The following FBXW7 variants were observed in gnomAD, a reference collection of about 807,000 sequenced individuals.
FBXW7 encodes F-box/WD repeat-containing protein 7.
A neutral mutation model predicts 86.3 loss-of-function variants in FBXW7; 11 were observed. The ratio of observed to expected loss-of-function variants is 0.13; its 90% CI spans 0.08 to 0.21. The LOEUF (loss-of-function observed/expected upper bound fraction) is 0.21. FBXW7 is among the 10% of genes least tolerant of loss of function. FBXW7 has a pLI of 1.00. For synonymous variants in FBXW7, 313 were observed against 297.9 expected (o/e 1.05, Z -0.52); for missense variants, 488 against 847.4 (o/e 0.58, Z 5.27).
intron 2 of FBXW7, among the ~76,000 whole-genome samples, chr4:152,435,178 T>C (rs1740276533): frequency 1.3e-5 from 2 of 151,624 alleles, no homozygotes; most frequent in Admixed American, 1.3e-4. Flanking sequence ...TACTTCTTCA[T>C]AATCACAATA....
At chr4:152,324,042 G>A (rs1438660845) in intron 13 of FBXW7, 142 bp downstream of exon 13, 10 of 630,192 alleles carry the variant, frequency 1.6e-5, no homozygotes, top group East Asian at 2.7e-5. Context: ...AGTTCTGTAA[G>A]TCAGGGTGAA....
intron 2 of FBXW7, among the ~76,000 whole-genome samples, chr4:152,473,774 A>G (rs1362642378): frequency 6.6e-6 from 1 of 152,166 alleles, no homozygotes; most frequent in Non-Finnish European, 1.5e-5. Flanking sequence ...CAATTCAGAT[A>G]CTTATCTTTC....
At chr4:152,390,919 T>C (rs182771565) in intron 4 of FBXW7, among the ~76,000 whole-genome samples, 6 of 152,098 alleles carry the variant, frequency 3.9e-5, no homozygotes, top group Admixed American at 1.3e-4. Context: ...AATTGACAGT[T>C]TGACAAATTA....
At chr4:152,510,917 C>A (rs1747901828) in intron 2 of FBXW7, among the ~76,000 whole-genome samples, 2 of 152,188 alleles carry the variant, frequency 1.3e-5, no homozygotes, top group Non-Finnish European at 1.5e-5. Context: ...TCTTCTCCCC[C>A]ACCAATCTGA....
chr4:152,397,207 T>C (rs1420875110), intron 4 of FBXW7, among the ~76,000 whole-genome samples: 1 of 152,016 alleles, frequency 6.6e-6, no homozygotes, highest in Non-Finnish European at 1.5e-5. Flanking sequence ...AATGTCCTTA[T>C]TTCTGCCCCC....
chr4:152,506,449 C>T (rs1011280719), intron 2 of FBXW7, among the ~76,000 whole-genome samples: 1 of 152,074 alleles, frequency 6.6e-6, no homozygotes, highest in Non-Finnish European at 1.5e-5. Context: ...TACTTTCAGA[C>T]GACTGGCAGT....
At position 152,445,060 on chromosome 4, in the gene FBXW7, A is replaced by C. The variant is rs889380900; in HGVS notation, c.-119-32531T>G. 2.0e-5 allele frequency among the ~76,000 whole-genome samples: 3 copies of C among 152,118 alleles called. No homozygotes were observed. In the East Asian group the frequency reaches 5.8e-4, roughly 29 times the overall value. ...AGGCTGGTCTCAAACTTCTCGACTC[A>C]AGCGACCCATCTGCCTCTACCTCCC... On this transcript the variant is annotated intron_variant, in intron 2 of 13. Transcript: ENST00000281708.
chr4:152,397,229 AC>A (rs1268081716), intron 4 of FBXW7, among the ~76,000 whole-genome samples: 1 of 152,012 alleles, frequency 6.6e-6, no homozygotes, highest in African/African-American at 2.4e-5. Flanking sequence ...GAAACATAAC[AC>A]AGAAATTAAT....
intron 2 of FBXW7, among the ~76,000 whole-genome samples, chr4:152,514,547 T>C (rs1342797454): frequency 2.0e-5 from 3 of 152,270 alleles, no homozygotes; most frequent in South Asian, 2.1e-4. Flanking sequence ...TGGGGCACAG[T>C]GGGAGGTGCC....
intron 2 of FBXW7, among the ~76,000 whole-genome samples, chr4:152,478,186 C>T (rs1229999529): frequency 6.6e-6 from 1 of 152,026 alleles, no homozygotes. Flanking sequence ...CAGAACTTTT[C>T]ATCATTCCAA....
chr4:152,458,211 G>GAA (rs1742620986), intron 2 of FBXW7, among the ~76,000 whole-genome samples: 1 of 152,084 alleles, frequency 6.6e-6, no homozygotes, highest in Non-Finnish European at 1.5e-5. Flanking sequence ...GTAGAGATGG[G>GAA]GTTTCACCAT....
At chr4:152,375,786 C>A (rs965934157) in intron 4 of FBXW7, among the ~76,000 whole-genome samples, 1 of 151,948 alleles carries the variant, frequency 6.6e-6, no homozygotes, top group Admixed American at 6.6e-5. Context: ...TGAACTGATA[C>A]AATTTTTTCT....
chr4:152,483,130 A>T (rs897532626), intron 2 of FBXW7, among the ~76,000 whole-genome samples: 1 of 152,194 alleles, frequency 6.6e-6, no homozygotes, highest in Non-Finnish European at 1.5e-5. Context: ...TAATGCTAAA[A>T]TTAACATACT....
chr4:152,399,835 T>C (rs1245914663), intron 4 of FBXW7, among the ~76,000 whole-genome samples: 2 of 152,216 alleles, frequency 1.3e-5, no homozygotes, highest in African/African-American at 4.8e-5. Context: ...ATATATTCCA[T>C]GTTCTTGCAC....
chr4:152,345,949 G>T (rs1731221526), intron 6 of FBXW7, among the ~76,000 whole-genome samples: 1 of 152,062 alleles, frequency 6.6e-6, no homozygotes, highest in South Asian at 2.1e-4. Context: ...AGGTAGGGTA[G>T]TATATTCTTT....
chr4:152,352,481 T>G, intron 4 of FBXW7: 1 of 1,613,834 alleles, frequency 6.2e-7, no homozygotes, highest in Non-Finnish European at 8.5e-7. Flanking sequence ...TTGTAAAAAA[T>G]CATTTTTAAT....
chr4:152,457,867 G>A (rs959834206), intron 2 of FBXW7, among the ~76,000 whole-genome samples: 3 of 151,548 alleles, frequency 2.0e-5, no homozygotes, highest in African/African-American at 7.3e-5. Context: ...TGGATAGAAG[G>A]TAAGAAAAAG....
In FBXW7 at chr4:152,448,320, A is replaced by G. The variant is rs550811913; in HGVS notation, c.-119-35791T>C. 1.2e-4 allele frequency among the ~76,000 whole-genome samples: 18 copies of G among 152,356 alleles called. No individual in the cohort carries two copies. In the South Asian group the frequency reaches 3.7e-3, roughly 32 times the overall value. On this transcript the variant is annotated intron_variant, in intron 2 of 13. Coordinates refer to ENST00000281708, the MANE Select transcript of FBXW7 (RefSeq NM_001349798.2). ...TCTGATGATGACAAAATGATATTGG[A>G]TATCTACTGCAAGGTCAAGAAAACT...
intron 6 of FBXW7, among the ~76,000 whole-genome samples, chr4:152,340,456 G>A (rs1273035593): frequency 6.6e-6 from 1 of 151,514 alleles, no homozygotes; most frequent in African/African-American, 2.4e-5. Flanking sequence ...GCGGGCGCCT[G>A]TAGTCCCGGC....
Sources: allele counts gnomAD v4.1 joint callset (sites outside exome capture counted in the v4.1 genomes callset), GRCh38; gene constraint gnomAD v4.1.1; transcripts MANE v1.5; gene names NCBI Gene and HGNC (gene_info 2026-07-23, HGNC 2026-07-21).